Variants in PLCL1 observed in about 807,000 individuals in gnomAD.
PLCL1 encodes the protein phospholipase C like 1 (inactive), also known as inactive phospholipase C-like protein 1.
A neutral mutation model predicts 84.4 loss-of-function variants in PLCL1; 41 were observed. The ratio of observed to expected loss-of-function variants is 0.49; its 90% confidence interval spans 0.38 to 0.63. The LOEUF is 0.63. PLCL1 is among the 30% of genes least tolerant of loss of function. The probability of loss-of-function intolerance (pLI) is 0.00; values close to 1 mark genes in which losing one functional copy is unlikely to be tolerated. For synonymous variants in PLCL1, 490 were observed against 488.3 expected, an observed-to-expected ratio of 1.00 and a Z score of -0.05; for missense variants, 1,206 against 1,367.8, an observed-to-expected ratio of 0.88 and a Z score of 1.87.
chr2:197,919,779 A>T (rs1483483157), intron 1 of PLCL1, among the ~76,000 whole-genome samples: 1 of 152,216 alleles, frequency 6.6e-6, no homozygotes, highest in Non-Finnish European at 1.5e-5. Flanking sequence ...TGTATGCCTG[A>T]TTCTCTGAGT....
At position 198,146,878 on chromosome 2, in the gene PLCL1, C is replaced by T. The variant is rs1559120834; in HGVS notation, c.3204C>T (p.Pro1068=). Residue 1068 remains proline (P), a synonymous_variant, in exon 6 of 6, where the codon CCC becomes CCT. Transcript: ENST00000428675. ...ACLSCGLSKA[P]SSSAEAKSKR... ...TGTCCTGTGGACTGAGTAAAGCCCC[C>T]AGCAGCAGTGCTGAGGCCAAGAGCA... 1.9e-6 allele frequency: 3 copies of T among 1,613,594 alleles called. No homozygotes were observed. In the Admixed American group the frequency reaches 5.0e-5, roughly 27 times the overall value.
intron 1 of PLCL1, among the ~76,000 whole-genome samples, chr2:198,007,730 A>C (rs1216164987): frequency 6.6e-6 from 1 of 152,190 alleles, no homozygotes; most frequent in Admixed American, 6.5e-5. Flanking sequence ...TCTGTGTTTC[A>C]TTAAGCATTT....
chr2:197,897,836 G>A (rs1341108027), intron 1 of PLCL1, among the ~76,000 whole-genome samples: 3 of 152,052 alleles, frequency 2.0e-5, no homozygotes, highest in East Asian at 1.9e-4. Context: ...CTCTAGTATC[G>A]CATATCCAAT....
At chr2:197,888,894 T>A (rs1687966507) in intron 1 of PLCL1, among the ~76,000 whole-genome samples, 1 of 152,172 alleles carries the variant, frequency 6.6e-6, no homozygotes, top group African/African-American at 2.4e-5. Flanking sequence ...TAATAAAGGA[T>A]TATATGATAC....
rs1232417536 is a variant in PLCL1 at position 198,086,075 on chromosome 2, G to A, written c.2558G>A (p.Gly853Glu). ...VHIAITNRSGGGKAQKRSLSV... is the reference protein window; with the variant it reads ...VHIAITNRSGEGKAQKRSLSV... The stretch of plus-strand genomic sequence containing the variant: ...ATAGCAATAACTAATCGAAGTGGAG[G>A]AGGAAAGGCACAGAAGCGCAGTCTT... The change falls in exon 2 of 6, where the codon GGA becomes GAA. Residue 853 changes from glycine to glutamate, a missense_variant. Gly to Glu is a moderately conservative substitution (Grantham distance 98, BLOSUM62 -2). Transcript: ENST00000428675. 3.1e-6 allele frequency: 5 copies of A among 1,614,018 alleles called. No individual in the cohort carries two copies. The highest frequency in any genetic ancestry group is 4.2e-6 in the Non-Finnish European group (5 of 1,179,996).
intron 1 of PLCL1, among the ~76,000 whole-genome samples, chr2:198,017,212 T>G (rs1691019545): frequency 6.6e-6 from 1 of 152,206 alleles, no homozygotes; most frequent in Non-Finnish European, 1.5e-5. Context: ...GGAATTCACC[T>G]TCACAAAGAA....
chr2:197,997,613 C>A (rs894562251), intron 1 of PLCL1, among the ~76,000 whole-genome samples: 1 of 152,158 alleles, frequency 6.6e-6, no homozygotes, highest in African/African-American at 2.4e-5. Context: ...AGTGTGGGAA[C>A]CCAGATATCT....
intron 1 of PLCL1, among the ~76,000 whole-genome samples, chr2:197,949,229 T>C (rs1689341513): frequency 6.6e-6 from 1 of 152,184 alleles, no homozygotes; most frequent in Non-Finnish European, 1.5e-5. Flanking sequence ...GAGAATTTGT[T>C]AAGGAGAATC....
intron 1 of PLCL1, among the ~76,000 whole-genome samples, chr2:197,914,171 G>T (rs1450901226): frequency 6.6e-6 from 1 of 151,996 alleles, no homozygotes; most frequent in Non-Finnish European, 1.5e-5. Context: ...ACACTTTAGG[G>T]TATATTAAGT....
chr2:197,990,798 G>A (rs1400357434), intron 1 of PLCL1, among the ~76,000 whole-genome samples: 2 of 152,108 alleles, frequency 1.3e-5, no homozygotes, highest in African/African-American at 2.4e-5. Flanking sequence ...ATGCAAAGGT[G>A]TACTTTTTGG....
At chr2:197,871,295 C>A (rs957170744) in intron 1 of PLCL1, among the ~76,000 whole-genome samples, 5 of 152,004 alleles carry the variant, frequency 3.3e-5, no homozygotes, top group African/African-American at 7.2e-5. Context: ...TCCCTACATC[C>A]CTGGCTTTAG....
intron 1 of PLCL1, among the ~76,000 whole-genome samples, chr2:198,035,721 A>G (rs1220400698): frequency 6.6e-6 from 1 of 152,258 alleles, no homozygotes; most frequent in African/African-American, 2.4e-5. Context: ...ATTCATTACA[A>G]TAGAATTCCA....
At chr2:198,075,458 A>T (rs1440944185) in intron 1 of PLCL1, among the ~76,000 whole-genome samples, 1 of 152,246 alleles carries the variant, frequency 6.6e-6, no homozygotes, top group Non-Finnish European at 1.5e-5. Context: ...CATTGCATGC[A>T]GCAGTGGGAT....
At chr2:197,974,046 CA>C (rs1295126451) in intron 1 of PLCL1, among the ~76,000 whole-genome samples, 3 of 152,106 alleles carry the variant, frequency 2.0e-5, no homozygotes, top group Admixed American at 6.5e-5. Flanking sequence ...GTAGAGCTCA[CA>C]GGACTTGCTG....
chr2:197,927,119 T>TAA (rs1343107169), intron 1 of PLCL1, among the ~76,000 whole-genome samples: 2 of 152,210 alleles, frequency 1.3e-5, no homozygotes, highest in African/African-American at 4.8e-5. Context: ...CACAACATCT[T>TAA]AACCACTTTC....
At chr2:198,130,059 A>G (rs1694082315) in intron 5 of PLCL1, among the ~76,000 whole-genome samples, 1 of 152,054 alleles carries the variant, frequency 6.6e-6, no homozygotes. Flanking sequence ...TGGTGGCATG[A>G]TCATGGCTCA....
intron 5 of PLCL1, among the ~76,000 whole-genome samples, chr2:198,107,088 G>A (rs975012124): frequency 6.6e-6 from 1 of 151,862 alleles, no homozygotes; most frequent in East Asian, 1.9e-4. Context: ...ATTCAGCATG[G>A]CTGGGAGGGC....
chr2:197,917,975 C>T (rs1688628067), intron 1 of PLCL1, among the ~76,000 whole-genome samples: 1 of 151,990 alleles, frequency 6.6e-6, no homozygotes, highest in Non-Finnish European at 1.5e-5. Context: ...ATCCGTGAGT[C>T]CATACTGATA....
intron 1 of PLCL1, among the ~76,000 whole-genome samples, chr2:197,966,527 C>T (rs1215519179): frequency 6.6e-6 from 1 of 152,132 alleles, no homozygotes; most frequent in Non-Finnish European, 1.5e-5. Context: ...CAGGGCAAGA[C>T]TGAGTTTCAG....
Sources: gnomAD v4.1 joint callset for allele counts (sites outside exome capture counted in the v4.1 genomes callset) on GRCh38, gnomAD v4.1.1 for gene constraint, MANE v1.5 for transcripts, NCBI Gene and HGNC (gene_info 2026-07-23, HGNC 2026-07-21) for gene names.